PKD2L2: variants seen among roughly 807,000 people sequenced by gnomAD.
The protein encoded by PKD2L2 is polycystin-2-like protein 2.
PKD2L2 carries 67 observed loss-of-function variants against 83.9 expected under a neutral mutation model. The ratio of observed to expected loss-of-function variants is 0.80; its 90% CI spans 0.66 to 0.98. The LOEUF (loss-of-function observed/expected upper bound fraction) is 0.98, where lower values mean the gene tolerates loss of function less well. PKD2L2 is among the 50% of genes least tolerant of loss of function. The pLI, the probability that PKD2L2 is intolerant of heterozygous loss-of-function variation, is 0.00. For missense variants in PKD2L2, 632 were observed against 717.2 expected (o/e 0.88, Z 1.36); for synonymous variants, 223 against 237.8 (o/e 0.94, Z 0.57).
At chr5:137,918,188 C>T (rs1040116371) in intron 8 of PKD2L2, among the ~76,000 whole-genome samples, 3 of 152,208 alleles carry the variant, frequency 2.0e-5, no homozygotes, top group African/African-American at 2.4e-5. Context: ...TAGTCTGGCT[C>T]CATGCCAAGG....
chr5:137,893,762 G>A (rs1756201173), intron 3 of PKD2L2, among the ~76,000 whole-genome samples: 1 of 152,182 alleles, frequency 6.6e-6, no homozygotes, highest in Non-Finnish European at 1.5e-5. Flanking sequence ...TGAGATGAGG[G>A]CTAAATGATC....
chr5:137,896,369 C>T (rs773628101), intron 4 of PKD2L2, among the ~76,000 whole-genome samples: 1 of 152,072 alleles, frequency 6.6e-6, no homozygotes, highest in Non-Finnish European at 1.5e-5. Context: ...CATTCTCATA[C>T]TGCTACCTTA....
At chr5:137,900,516 G>C (rs998467786) in intron 5 of PKD2L2, among the ~76,000 whole-genome samples, 1 of 152,212 alleles carries the variant, frequency 6.6e-6, no homozygotes, top group African/African-American at 2.4e-5. Context: ...TGCAGCTGCA[G>C]TTGCCCACGA....
At chr5:137,899,364 A>G in intron 4 of PKD2L2, 152 bp from the exon 5 acceptor site, 1 of 599,234 alleles carries the variant, frequency 1.7e-6, no homozygotes, top group South Asian at 2.1e-5. Context: ...GGATCCGCCT[A>G]CCTCGGCCTC....
intron 8 of PKD2L2, among the ~76,000 whole-genome samples, chr5:137,909,538 A>ATT (rs144393648): frequency 7.0e-5 from 6 of 85,318 alleles, no homozygotes; most frequent in African/African-American, 1.7e-4. Flanking sequence ...GACAAAAGAA[A>ATT]TTTTTTTTTT....
At chr5:137,932,253 CAGG>C (rs1244545026) in intron 12 of PKD2L2, among the ~76,000 whole-genome samples, 4 of 151,798 alleles carry the variant, frequency 2.6e-5, no homozygotes, top group African/African-American at 9.7e-5. Context: ...GAGGCTGAGG[CAGG>C]AGAATTGCTT....
intron 7 of PKD2L2, 27 bp from the exon 8 acceptor site, chr5:137,908,738 A>G: frequency 8.5e-7 from 1 of 1,173,048 alleles, no homozygotes. Flanking sequence ...ATATTCTCCT[A>G]TTTCAATTAA....
intron 9 of PKD2L2, among the ~76,000 whole-genome samples, chr5:137,922,838 G>A (rs1410089679): frequency 2.0e-5 from 3 of 151,942 alleles, no homozygotes; most frequent in Non-Finnish European, 4.4e-5. Context: ...CAGTTCATAT[G>A]CATTCTTTTA....
intron 1 of PKD2L2, among the ~76,000 whole-genome samples, chr5:137,889,733 C>G (rs1232700959): frequency 6.6e-6 from 1 of 152,220 alleles, no homozygotes; most frequent in African/African-American, 2.4e-5. Context: ...GCGCTCGCCT[C>G]TTGCCGGAGG....
chr5:137,942,314 A>ACT (rs1762095601), intron 14 of PKD2L2, 70 bp from the exon 15 acceptor site: 1 of 416,454 alleles, frequency 2.4e-6, no homozygotes, highest in South Asian at 4.7e-5. Context: ...AAAAAGATCA[A>ACT]CTCGCAACTA....
chr5:137,898,425 C>T (rs1163503311), intron 4 of PKD2L2, among the ~76,000 whole-genome samples: 1 of 152,082 alleles, frequency 6.6e-6, no homozygotes, highest in Non-Finnish European at 1.5e-5. Context: ...CATTTCTGAG[C>T]CAAAACTCTT....
chr5:137,916,734 C>T (rs545155237), intron 8 of PKD2L2, among the ~76,000 whole-genome samples: 7 of 152,210 alleles, frequency 4.6e-5, no homozygotes, highest in Admixed American at 3.9e-4. Flanking sequence ...ACCTTGGCCT[C>T]CCAAAGTGCA....
intron 12 of PKD2L2, among the ~76,000 whole-genome samples, chr5:137,932,550 G>C (rs1473235243): frequency 6.6e-6 from 1 of 152,098 alleles, no homozygotes; most frequent in African/African-American, 2.4e-5. Context: ...AATGACTGCA[G>C]GAAGAGGTTA....
In PKD2L2 at chr5:137,904,279, C is replaced by A. The variant is rs1427853745; in HGVS notation, c.747-1927C>A. The stretch of plus-strand genomic sequence containing the variant: ...GAATCAAACACTTAGCAAAGGATTA[C>A]CATGATTGGATCTGCCTGGGGATTT... On this transcript the variant is annotated intron_variant, in intron 5 of 14. Coordinates refer to ENST00000508883, the MANE Select transcript of PKD2L2 (RefSeq NM_001300921.2). 3.3e-5 allele frequency among the ~76,000 whole-genome samples: 5 copies of A among 152,046 alleles called. No homozygotes were observed. The East Asian group carries it at 9.6e-4, about 29-fold the overall frequency.
chr5:137,923,513 AT>A lies in PKD2L2; in HGVS notation c.1545del (p.Lys516AsnfsTer13). The stretch of plus-strand genomic sequence containing the variant: ...GCTAGATTTTGAACTTGGCAAAATG[AT>A]TAAACAGGTAAGTCAAATTTCTTTC... ...RRLDFELGKM[I>X]KQSYKNVLEK... On this transcript the variant is annotated frameshift_variant, in exon 10 of 15. Transcript: ENST00000508883. LOFTEE classifies it high-confidence loss of function. The A allele has an allele frequency of 7.2e-7, 1 of 1,397,792 alleles. No individual in the cohort carries two copies. Among genetic ancestry groups the A allele is most frequent in the Non-Finnish European group, 1.0e-6 (1 of 983,300 alleles). 86.6% of individuals were successfully genotyped at this position (1,397,792 alleles called of 1,614,324 possible).
intron 3 of PKD2L2, 80 bp from the exon 4 acceptor site, chr5:137,894,273 C>A: frequency 8.3e-7 from 1 of 1,205,050 alleles, no homozygotes; most frequent in Admixed American, 2.2e-5. Flanking sequence ...TACTCAAAAT[C>A]TCTTATGCAT....
At chr5:137,890,390 G>A in intron 1 of PKD2L2, 91 bp from the exon 2 acceptor site, 2 of 704,828 alleles carry the variant, frequency 2.8e-6, no homozygotes, top group Non-Finnish European at 2.5e-6. Context: ...TCCCCGCAGT[G>A]TAAGGACTAA....
chr5:137,935,966 CAT>C (rs1308320486), intron 13 of PKD2L2, 57 bp downstream of exon 13: 1 of 960,748 alleles, frequency 1.0e-6, no homozygotes, highest in Non-Finnish European at 1.7e-6. Context: ...GCATTAAGGA[CAT>C]GAGTTAAACA....
intron 12 of PKD2L2, among the ~76,000 whole-genome samples, chr5:137,929,727 A>G (rs1012252986): frequency 9.9e-5 from 15 of 152,130 alleles, no homozygotes; most frequent in African/African-American, 2.9e-4. Flanking sequence ...GCAAGAACTT[A>G]GGGAATACTA....
Sources: allele counts gnomAD v4.1 joint callset (sites outside exome capture counted in the v4.1 genomes callset), GRCh38; gene constraint gnomAD v4.1.1; transcripts MANE v1.5; gene names NCBI Gene and HGNC (gene_info 2026-07-23, HGNC 2026-07-21).